GRIK4: variants seen among roughly 807,000 people sequenced by gnomAD.
The protein encoded by GRIK4 is glutamate receptor ionotropic, kainate 4.
A neutral mutation model predicts 104.9 loss-of-function variants in GRIK4; 40 were observed. The observed-to-expected ratio is 0.38, with a 90% CI of 0.30 to 0.50. The LOEUF (loss-of-function observed/expected upper bound fraction) is 0.50. Among genes scored for constraint, GRIK4 ranks in the 20% least tolerant of loss-of-function variants. The probability of loss-of-function intolerance (pLI) is 0.93; values close to 1 mark genes in which losing one functional copy is unlikely to be tolerated. For missense variants in GRIK4, 1,047 were observed against 1,308.1 expected (o/e 0.80, Z 3.08); for synonymous variants, 485 against 524.9 (o/e 0.92, Z 1.04).
chr11:120,607,221 T>C (rs1203554499), intron 1 of GRIK4, among the ~76,000 whole-genome samples: 4 of 152,106 alleles, frequency 2.6e-5, no homozygotes, highest in Non-Finnish European at 4.4e-5. Context: ...CGGTTCAGTA[T>C]TGGTGGGCCC....
intron 1 of GRIK4, among the ~76,000 whole-genome samples, chr11:120,537,723 A>G (rs1161391521): frequency 6.6e-6 from 1 of 152,180 alleles, no homozygotes; most frequent in African/African-American, 2.4e-5. Context: ...AGCTTCCTTT[A>G]CCTACAGCTT....
At chr11:120,936,253 C>A in intron 13 of GRIK4, 1 of 488,870 alleles carries the variant, frequency 2.0e-6, no homozygotes, top group Non-Finnish European at 4.0e-6. Flanking sequence ...CATCTGCCGC[C>A]GTGTTAGTCC....
rs1211351935 is a variant in GRIK4, at chr11:120,549,191, TG to T, written c.-159+37307del. On this transcript the variant is annotated intron_variant, in intron 1 of 20. Coordinates refer to ENST00000527524, the MANE Select transcript of GRIK4 (RefSeq NM_014619.5). This position sits in a 1 kb window ranked among gnomAD's most constrained non-coding sequence, Gnocchi z 4.7. ...TCAGCTCACTGCAACCTCTGCTTCCTGGGTTCAAGCAATTCTACTGCCTCAG... is the reference window on the plus strand; with the variant it reads ...TCAGCTCACTGCAACCTCTGCTTCCTGGTTCAAGCAATTCTACTGCCTCAG... 6.6e-6 allele frequency among the ~76,000 whole-genome samples: 1 copy of T among 152,000 alleles called. No individual in the cohort carries two copies. Among genetic ancestry groups the T allele is most frequent in the Non-Finnish European group, 1.5e-5 (1 of 67,960 alleles).
intron 3 of GRIK4, among the ~76,000 whole-genome samples, chr11:120,800,511 T>C (rs1952602457): frequency 6.6e-6 from 1 of 152,166 alleles, no homozygotes; most frequent in Admixed American, 6.5e-5. Context: ...TCAGTCACAT[T>C]TATGGTGCTC....
chr11:120,866,822 G>T (rs543522167), intron 9 of GRIK4, among the ~76,000 whole-genome samples: 1 of 152,218 alleles, frequency 6.6e-6, no homozygotes, highest in African/African-American at 2.4e-5. Context: ...ATGGACGAGT[G>T]TTCTTTCTTG....
At chr11:120,527,170 G>A (rs1184811665) in intron 1 of GRIK4, among the ~76,000 whole-genome samples, 4 of 152,234 alleles carry the variant, frequency 2.6e-5, no homozygotes, top group South Asian at 2.1e-4. Flanking sequence ...CCCTGATCCC[G>A]CCTCGGCTTG....
chr11:120,879,448 G>A (rs1259881913), intron 11 of GRIK4, among the ~76,000 whole-genome samples: 1 of 152,166 alleles, frequency 6.6e-6, no homozygotes, highest in African/African-American at 2.4e-5. Context: ...CGACCTGCTG[G>A]GTTGCAATTG....
chr11:120,942,864 G>A (rs371533164), intron 14 of GRIK4, among the ~76,000 whole-genome samples: 3 of 152,016 alleles, frequency 2.0e-5, no homozygotes, highest in East Asian at 3.9e-4. Flanking sequence ...ACAATGAATT[G>A]ACTTCCTAAA....
intron 11 of GRIK4, among the ~76,000 whole-genome samples, chr11:120,885,061 C>T (rs529396643): frequency 1.9e-4 from 29 of 152,400 alleles, no homozygotes; most frequent in African/African-American, 7.0e-4. Context: ...TCCCAAGGTA[C>T]TTCTCCACCT....
At chr11:120,926,405 CTA>C (rs1943346515) in intron 13 of GRIK4, among the ~76,000 whole-genome samples, 1 of 152,124 alleles carries the variant, frequency 6.6e-6, no homozygotes, top group African/African-American at 2.4e-5. Context: ...GGAACATTCC[CTA>C]TGTTTCAGGC....
intron 20 of GRIK4, among the ~76,000 whole-genome samples, chr11:120,983,455 G>T (rs1944685756): frequency 6.6e-6 from 1 of 152,202 alleles, no homozygotes; most frequent in Admixed American, 6.5e-5. Context: ...AAACCAAAGA[G>T]AATCTACTGG....
At chr11:120,704,003 T>C (rs1199228567) in intron 3 of GRIK4, among the ~76,000 whole-genome samples, 2 of 152,220 alleles carry the variant, frequency 1.3e-5, no homozygotes, top group African/African-American at 4.8e-5. Context: ...TTAGTTTAGA[T>C]TTCTGAGTTT....
In GRIK4 at chr11:120,794,223, G is replaced by A. The variant is rs182919684; in HGVS notation, c.83-8470G>A. Among the ~76,000 whole-genome samples, 3 of 148,588 alleles carry A rather than the reference G, an allele frequency of 2.0e-5. 1 individual carries two copies. Among genetic ancestry groups the A allele is most frequent in the African/African-American group, 7.7e-5 (3 of 38,766 alleles). On this transcript the variant is annotated intron_variant, in intron 3 of 20. Transcript: ENST00000527524. ...CGGGTGATGGTTACAGGTGAGGGAA[G>A]TTGTTAGGGTTGAGAGCCAGGCGAT...
intron 3 of GRIK4, among the ~76,000 whole-genome samples, chr11:120,736,811 A>G (rs1280716532): frequency 6.6e-6 from 1 of 151,240 alleles, no homozygotes; most frequent in Non-Finnish European, 1.5e-5. Flanking sequence ...CTGTTCACTG[A>G]AAAAGGCCTA....
At chr11:120,972,568 A>C (rs1367302744) in intron 19 of GRIK4, among the ~76,000 whole-genome samples, 1 of 152,180 alleles carries the variant, frequency 6.6e-6, no homozygotes, top group Non-Finnish European at 1.5e-5. Flanking sequence ...AAGTCTGCAA[A>C]TCAGATAAAA....
intron 1 of GRIK4, among the ~76,000 whole-genome samples, chr11:120,557,733 C>T (rs189741546): frequency 5.9e-5 from 9 of 152,180 alleles, no homozygotes; most frequent in South Asian, 2.1e-4. Context: ...AAGAAGTAAT[C>T]GGGCCGGGCG....
At chr11:120,551,879 G>A (rs1948144092) in intron 1 of GRIK4, among the ~76,000 whole-genome samples, 1 of 152,188 alleles carries the variant, frequency 6.6e-6, no homozygotes, top group African/African-American at 2.4e-5. Flanking sequence ...ACCAGGTTCT[G>A]GGAGCTTCTG....
chr11:120,795,952 G>A (rs974034545), intron 3 of GRIK4, among the ~76,000 whole-genome samples: 1 of 150,866 alleles, frequency 6.6e-6, no homozygotes, highest in African/African-American at 2.4e-5. Flanking sequence ...CAGTATAAGT[G>A]TTATGCAAAT....
chr11:120,935,105 C>T (rs1038722871), intron 13 of GRIK4, among the ~76,000 whole-genome samples: 4 of 152,312 alleles, frequency 2.6e-5, no homozygotes, highest in South Asian at 2.1e-4. Context: ...CTCATGTAAG[C>T]GCTGTCTCTT....
Sources: allele counts gnomAD v4.1 joint callset (sites outside exome capture counted in the v4.1 genomes callset), GRCh38; gene constraint gnomAD v4.1.1; non-coding constraint Gnocchi (gnomAD v3.1); transcripts MANE v1.5; gene names NCBI Gene and HGNC (gene_info 2026-07-23, HGNC 2026-07-21).